The following RLF variants were observed in gnomAD, a reference collection of about 807,000 sequenced individuals.
The protein encoded by RLF is RLF zinc finger.
A neutral mutation model predicts 162.9 loss-of-function variants in RLF; 7 were observed. The observed-to-expected ratio is 0.04, with a 90% CI of 0.02 to 0.08. The LOEUF (loss-of-function observed/expected upper bound fraction) is 0.08. RLF is among the 10% of genes least tolerant of loss of function. The pLI, the probability that RLF is intolerant of heterozygous loss-of-function variation, is 1.00. For synonymous variants in RLF, 782 were observed against 791.5 expected (o/e 0.99, Z 0.20); for missense variants, 1,664 against 2,244.7 (o/e 0.74, Z 5.23).
intron 5 of RLF, among the ~76,000 whole-genome samples, chr1:40,203,856 C>CT (rs1328179224): frequency 1.3e-5 from 2 of 151,984 alleles, no homozygotes; most frequent in Admixed American, 1.3e-4. Context: ...ATACAATTGT[C>CT]TATCTTTCTA....
At chr1:40,208,649 T>C (rs1222586120) in intron 5 of RLF, among the ~76,000 whole-genome samples, 1 of 150,992 alleles carries the variant, frequency 6.6e-6, no homozygotes, top group African/African-American at 2.5e-5. Context: ...ACCCCATCTC[T>C]ACAAAAAAAA....
At chr1:40,188,952 A>G in intron 1 of RLF, 103 bp from the exon 2 acceptor site, 1 of 675,158 alleles carries the variant, frequency 1.5e-6, no homozygotes, top group Non-Finnish European at 2.4e-6. Flanking sequence ...AGGTATATGC[A>G]TCTGTTAGAA....
chr1:40,165,625 T>G (rs1642154227), intron 1 of RLF, among the ~76,000 whole-genome samples: 1 of 152,208 alleles, frequency 6.6e-6, no homozygotes, highest in Non-Finnish European at 1.5e-5. Context: ...TTAATTTTAT[T>G]GCTGTCACTG....
chr1:40,182,632 G>A (rs1642418573), intron 1 of RLF, among the ~76,000 whole-genome samples: 1 of 152,072 alleles, frequency 6.6e-6, no homozygotes, highest in African/African-American at 2.4e-5. Flanking sequence ...AAACTAGAAA[G>A]CATAGTTAAA....
intron 5 of RLF, among the ~76,000 whole-genome samples, chr1:40,214,674 C>G (rs1053508121): frequency 7.2e-5 from 11 of 152,072 alleles, no homozygotes; most frequent in African/African-American, 2.4e-4. Flanking sequence ...AATCCCAGCA[C>G]TTTGGGAGGC....
At chr1:40,229,970 C>T (rs1404972229) in intron 6 of RLF, among the ~76,000 whole-genome samples, 1 of 151,712 alleles carries the variant, frequency 6.6e-6, no homozygotes, top group Non-Finnish European at 1.5e-5. Context: ...CAAAATTATC[C>T]AGGCGTGGTG....
At chr1:40,179,546 C>CTT (rs35301710) in intron 1 of RLF, among the ~76,000 whole-genome samples, 23 of 143,448 alleles carry the variant, frequency 1.6e-4, no homozygotes, top group African/African-American at 5.1e-4. Context: ...AAAGTTAACT[C>CTT]TTTTTTTTTT....
chr1:40,214,529 CAAAT>C (rs1395931568), intron 5 of RLF, among the ~76,000 whole-genome samples: 2 of 152,032 alleles, frequency 1.3e-5, no homozygotes, highest in Non-Finnish European at 2.9e-5. Flanking sequence ...GGGGGTTTTA[CAAAT>C]AAATTTTAGC....
At chr1:40,200,865 T>TCTACACACA (rs1435661204) in intron 4 of RLF, among the ~76,000 whole-genome samples, 1 of 113,618 alleles carries the variant, frequency 8.8e-6, no homozygotes. Flanking sequence ...CCATTGCTAC[T>TCTACACACA]CTACACACAC....
intron 1 of RLF, among the ~76,000 whole-genome samples, chr1:40,174,820 G>A (rs983084376): frequency 3.3e-5 from 5 of 152,138 alleles, no homozygotes; most frequent in Non-Finnish European, 7.4e-5. Context: ...AAGTATTTGC[G>A]TTAGTTATGC....
intron 4 of RLF, among the ~76,000 whole-genome samples, chr1:40,196,090 T>TC (rs199543739): frequency 6.6e-6 from 1 of 151,986 alleles, no homozygotes; most frequent in Non-Finnish European, 1.5e-5. Context: ...TTTTTTTTTT[T>TC]CCCGAGACGT....
rs1224616535 is a variant in RLF at position 40,239,591 on chromosome 1, G to A, written c.4889G>A (p.Gly1630Asp). The change falls in exon 8 of 8, where the codon GGT (glycine) becomes GAT (aspartate). Residue 1630 changes from glycine to aspartate, a missense_variant. By Grantham distance (94) the Gly-to-Asp change is moderately conservative. Transcript: ENST00000372771. ...SERTEHSHSP[G>D]DSSAPIQNTD... ...CGCACAGAACACAGCCATTCCCCGG[G>A]TGACAGTAGTGCACCCATCCAGAAC... is the stretch of plus-strand genomic sequence containing the variant. The A allele has an allele frequency of 2.0e-5, 32 of 1,614,144 alleles. No homozygotes were observed. The highest frequency in any genetic ancestry group is 2.5e-5 in the Non-Finnish European group (30 of 1,180,022).
chr1:40,170,318 A>G lies in RLF; in HGVS notation c.237+8682A>G, dbSNP rs893705266. On this transcript the variant is annotated intron_variant, in intron 1 of 7. Coordinates refer to ENST00000372771, the MANE Select transcript of RLF (RefSeq NM_012421.4). ...GCTCAGGCTGGAGTGCGGTGGTGCA[A>G]TCACAGCTCACTGTAGCCTTGTTAG... is the stretch of plus-strand genomic sequence containing the variant. 4.6e-5 allele frequency among the ~76,000 whole-genome samples: 7 copies of G among 152,078 alleles called. No individual in the cohort carries two copies. In the East Asian group the frequency reaches 1.2e-3, roughly 25 times the overall value.
In RLF at chr1:40,203,109, CTTTTTTTTTT is replaced by C. The variant is rs34957684; in HGVS notation, c.810+509_810+518del. On this transcript the variant is annotated intron_variant, in intron 5 of 7. Transcript: ENST00000372771. ...ATATCATGGAAAATAAGGGTTGAGT[CTTTTTTTTTT>C]TTTTTTTTTTTTTGAGACAAGGTCT... 3.0e-5 allele frequency among the ~76,000 whole-genome samples: 3 copies of C among 99,680 alleles called. No individual in the cohort carries two copies. The South Asian group carries it at 1.1e-3, about 35-fold the overall frequency. 65.4% of individuals were successfully genotyped at this position (99,680 alleles called of 152,430 possible).
Position 40,238,546 on chromosome 1 carries a change from C to G in RLF, c.3844C>G (p.Gln1282Glu), listed in dbSNP as rs1557763831. 3 of 1,613,796 alleles carry G rather than the reference C, an allele frequency of 1.9e-6. No homozygotes were observed. Among genetic ancestry groups the G allele is most frequent in the Non-Finnish European group, 2.5e-6 (3 of 1,180,010 alleles). ...SSPIGSHREE[Q>E]EGREGRGSRR... ...ACCAATAGGCAGCCATAGAGAAGAA[C>G]AAGAAGGAAGAGAGGGCAGAGGTAG... is the stretch of plus-strand genomic sequence containing the variant. The change falls in exon 8 of 8, where the codon CAA (glutamine) becomes GAA (glutamate). Residue 1282 changes from glutamine to glutamate, a missense_variant. Physicochemically the swap from Gln to Glu is conservative, Grantham distance 29. This residue lies in a region of RLF where 102 missense variants were observed against 109.5 expected (regional missense o/e 0.93). Coordinates refer to ENST00000372771, the MANE Select transcript of RLF (RefSeq NM_012421.4). This position sits in a 1 kb window ranked among gnomAD's most constrained non-coding sequence, Gnocchi z 5.2.
rs563655330 is a variant in RLF, at chr1:40,190,766, T to C, written c.393-6T>C. The stretch of plus-strand genomic sequence containing the variant: ...ACCTTTATATACTTACTCATTTTTA[T>C]TGTAGGAGTTGTTTCGAATTACTGC... On this transcript the variant is annotated splice_polypyrimidine_tract_variant and splice_region_variant and intron_variant, in intron 2 of 7. Coordinates refer to ENST00000372771, the MANE Select transcript of RLF (RefSeq NM_012421.4). 4.6e-5 allele frequency: 74 copies of C among 1,591,704 alleles called. 1 individual carries two copies. In the South Asian group the frequency reaches 7.4e-4, roughly 16 times the overall value.
chr1:40,165,403 A>C (rs2124521945), intron 1 of RLF, among the ~76,000 whole-genome samples: 1 of 152,326 alleles, frequency 6.6e-6, no homozygotes, highest in South Asian at 2.1e-4. Flanking sequence ...AGATCCAATA[A>C]ACGTATTAAC....
chr1:40,162,608 G>A (rs1178266605), intron 1 of RLF, among the ~76,000 whole-genome samples: 1 of 152,168 alleles, frequency 6.6e-6, no homozygotes, highest in Admixed American at 6.5e-5. Context: ...ATAAATTGCG[G>A]CGTTCTAAAA....
intron 3 of RLF, 143 bp from the exon 4 acceptor site, chr1:40,195,489 T>C (rs1187327590): frequency 8.2e-6 from 5 of 612,392 alleles, no homozygotes; most frequent in Non-Finnish European, 1.3e-5. Flanking sequence ...TCACAAGGCT[T>C]TGAGTATAGT....
Sources: gnomAD v4.1 joint callset for allele counts (sites outside exome capture counted in the v4.1 genomes callset) on GRCh38, gnomAD v4.1.1 for gene constraint, gnomAD v4.1.1 regional missense constraint, Gnocchi (gnomAD v3.1) non-coding constraint, MANE v1.5 for transcripts, NCBI Gene and HGNC (gene_info 2026-07-23, HGNC 2026-07-21) for gene names.